KRTAP6-3: variants seen among roughly 807,000 people sequenced by gnomAD.
KRTAP6-3 encodes keratin associated protein 6-3.
For missense variants in KRTAP6-3, 121 were observed against 133.1 expected (o/e 0.91, Z 0.45); for synonymous variants, 62 against 57.5 (o/e 1.08, Z -0.36).
rs752418918 is a variant in KRTAP6-3 at position 30,592,564 on chromosome 21, G to A, written c.119G>A (p.Gly40Glu). The stretch of plus-strand genomic sequence containing the variant: ...TGTGGTTATGGCGGCTGTGGCTATG[G>A]GTGCTGTGGCTACGGAGGCCTGGGC... Residue 40 changes from glycine (G) to glutamate (E), a missense_variant, in exon 1 of 1, where the codon GGG becomes GAG. Physicochemically the swap from Gly to Glu is moderately conservative, Grantham distance 98 (BLOSUM62 -2). Transcript: ENST00000391624. 3.7e-6 allele frequency: 6 copies of A among 1,612,244 alleles called. No individual in the cohort carries two copies. The Admixed American group carries it at 8.4e-5, about 22-fold the overall frequency.
Position 30,592,864 on chromosome 21 carries a change from G to T in KRTAP6-3, c.*86G>T. The T allele has an allele frequency of 1.4e-6, 2 of 1,456,168 alleles. No homozygotes were observed. The highest frequency in any genetic ancestry group is 2.9e-5 in the South Asian group (2 of 67,940). The allele number at this position is 1,456,168 out of a possible 1,614,324, so 90.2% of individuals were successfully genotyped here. A position where few individuals can be genotyped will look rare whatever the true frequency, so the allele number is the denominator to read the frequency against. ...CCCACATGCTCTGAGCCTTTCCCTT[G>T]ATTGATGATATCCTGCAGTGGAAGT... is the stretch of plus-strand genomic sequence containing the variant. On this transcript the variant is annotated 3_prime_UTR_variant, in exon 1 of 1. Coordinates refer to ENST00000391624, the MANE Select transcript of KRTAP6-3 (RefSeq NM_181605.4).
At chr21:30,592,578 G>T in the KRTAP6-3 span, 1 of 1,611,290 alleles carries the variant, frequency 6.2e-7, no homozygotes, top group Middle Eastern at 1.7e-4. Context: ...CTGTGGCTAC[G>T]GAGGCCTGGG....
In KRTAP6-3 at chr21:30,592,974, T is replaced by G; in HGVS notation, c.*196T>G. 1 of 1,109,738 alleles carries G rather than the reference T, an allele frequency of 9.0e-7. No individual in the cohort carries two copies. 68.7% of individuals were successfully genotyped at this position (1,109,738 alleles called of 1,614,324 possible). ...GAAGTGGGATAAGGTGAAGTTCACC[T>G]GTCACTTCTCCTTTTATCAGGATGA... On this transcript the variant is annotated 3_prime_UTR_variant, in exon 1 of 1. Transcript: ENST00000391624.
chr21:30,593,009 AG>A lies in KRTAP6-3; in HGVS notation c.*232del. ...CCTTTTATCAGGATGATGGTGTCACAGTGACTCCTTTGATGACTTTCATGCT... is the reference window on the plus strand; with the variant it reads ...CCTTTTATCAGGATGATGGTGTCACATGACTCCTTTGATGACTTTCATGCT... On this transcript the variant is annotated 3_prime_UTR_variant, in exon 1 of 1. Transcript: ENST00000391624. 2 of 765,444 alleles carry A rather than the reference AG, an allele frequency of 2.6e-6. No individual in the cohort carries two copies. Among genetic ancestry groups the A allele is most frequent in the Non-Finnish European group, 3.9e-6 (2 of 516,702 alleles). The allele number at this position is 765,444 out of a possible 1,614,324, so 47.4% of individuals were successfully genotyped here.
Position 30,592,708 on chromosome 21 carries a change from C to G in KRTAP6-3, c.263C>G (p.Ser88Cys), listed in dbSNP as rs1412169887. Residue 88 changes from serine to cysteine, a missense_variant, in exon 1 of 1, where the codon TCC (serine) becomes TGC (cysteine). Ser to Cys is a moderately radical substitution (Grantham distance 112, BLOSUM62 -1). Transcript: ENST00000391624. Reference sequence around the variant, plus strand: ...TATGGCTGTGGCTATGGCTATGTCTCCCACTCCTTCTGTGGCTGTGGCTAT... The same window carrying G: ...TATGGCTGTGGCTATGGCTATGTCTGCCACTCCTTCTGTGGCTGTGGCTAT... The G allele has an allele frequency of 6.8e-6, 11 of 1,612,950 alleles. No homozygotes were observed. Among genetic ancestry groups the G allele is most frequent in the Non-Finnish European group, 9.3e-6 (11 of 1,179,522 alleles).
rs141367067 is a variant in KRTAP6-3, at chr21:30,592,594, G to A, written c.149G>A (p.Gly50Asp). 358 of 1,611,494 alleles carry A rather than the reference G, an allele frequency of 2.2e-4. 2 individuals carry two copies. In the East Asian group the frequency reaches 5.6e-3, roughly 25 times the overall value. The change falls in exon 1 of 1, where the codon GGC becomes GAC. Residue 50 changes from glycine (G) to aspartate (D), a missense_variant. Gly to Asp is a moderately conservative substitution (Grantham distance 94). Transcript: ENST00000391624. Reference sequence around the variant, plus strand: ...TGTGGCTACGGAGGCCTGGGCTTTGGCTATGGAGGCCTGGACTGTGGCTAT... The same window carrying A: ...TGTGGCTACGGAGGCCTGGGCTTTGACTATGGAGGCCTGGACTGTGGCTAT...
rs1464959768 is a variant in KRTAP6-3 at position 30,592,868 on chromosome 21, G to A, written c.*90G>A. ...CATGCTCTGAGCCTTTCCCTTGATT[G>A]ATGATATCCTGCAGTGGAAGTCTAA... On this transcript the variant is annotated 3_prime_UTR_variant, in exon 1 of 1. Transcript: ENST00000391624. 1 of 1,454,584 alleles carries A rather than the reference G, an allele frequency of 6.9e-7. No individual in the cohort carries two copies. The highest frequency in any genetic ancestry group is 9.1e-7 in the Non-Finnish European group (1 of 1,099,562). 90.1% of individuals were successfully genotyped at this position (1,454,584 alleles called of 1,614,324 possible).
rs781643901 is a variant in KRTAP6-3 at position 30,592,533 on chromosome 21, C to T, written c.88C>T (p.Leu30=). 9.9e-6 allele frequency: 16 copies of T among 1,613,908 alleles called. No individual in the cohort carries two copies. The East Asian group carries it at 2.9e-4, about 29-fold the overall frequency. ...CTATGGGTGCTGTGGCTACGGAGGC[C>T]TGGGCTGTGGTTATGGCGGCTGTGG... Residue 30 remains leucine, a synonymous_variant, in exon 1 of 1, where the codon CTG becomes TTG. Coordinates refer to ENST00000391624, the MANE Select transcript of KRTAP6-3 (RefSeq NM_181605.4).
Position 30,592,944 on chromosome 21 carries a change from A to T in KRTAP6-3, c.*166A>T. On this transcript the variant is annotated 3_prime_UTR_variant, in exon 1 of 1. Coordinates refer to ENST00000391624, the MANE Select transcript of KRTAP6-3 (RefSeq NM_181605.4). ...TAACCCAAAAATACCCTGAGTTTCC[A>T]TCATGAAGTGGGATAAGGTGAAGTT... The T allele has an allele frequency of 7.3e-7, 1 of 1,362,628 alleles. No homozygotes were observed. Among genetic ancestry groups the T allele is most frequent in the South Asian group, 1.8e-5 (1 of 56,224 alleles). The allele number at this position is 1,362,628 out of a possible 1,614,324, so 84.4% of individuals were successfully genotyped here. A position where few individuals can be genotyped will look rare whatever the true frequency, so the allele number is the denominator to read the frequency against.
chr21:30,592,817 T>C lies in KRTAP6-3; in HGVS notation c.*39T>C, dbSNP rs1980080069. On this transcript the variant is annotated 3_prime_UTR_variant, in exon 1 of 1. Transcript: ENST00000391624. ...GACTCTCACCCTCTATCCTGTGACA[T>C]TGCAATTCACCAATTCTGAAGCCCA... 2 of 1,514,990 alleles carry C rather than the reference T, an allele frequency of 1.3e-6. No individual in the cohort carries two copies. Among genetic ancestry groups the C allele is most frequent in the Non-Finnish European group, 1.8e-6 (2 of 1,129,540 alleles). 93.8% of individuals were successfully genotyped at this position (1,514,990 alleles called of 1,614,324 possible). A position where few individuals can be genotyped will look rare whatever the true frequency, so the allele number is the denominator to read the frequency against.
Position 30,592,776 on chromosome 21 carries a change from T to C in KRTAP6-3, c.331T>C (p.Ter111ArgextTer12). The change falls in exon 1 of 1, where the codon TGA (stop) becomes CGA (arginine). Residue 111 changes from the stop codon to arginine, a stop_lost. Coordinates refer to ENST00000391624, the MANE Select transcript of KRTAP6-3 (RefSeq NM_181605.4). ...TGGCTCCAGCTTTGGCTACTACTAT[T>C]GAGGACACCATGGGAGACTCTCACC... 6.3e-7 allele frequency: 1 copy of C among 1,594,070 alleles called. No individual in the cohort carries two copies. The highest frequency in any genetic ancestry group is 1.1e-5 in the South Asian group (1 of 88,688).
Position 30,592,985 on chromosome 21 carries a change from C to G in KRTAP6-3, c.*207C>G. 9.8e-7 allele frequency: 1 copy of G among 1,019,488 alleles called. No individual in the cohort carries two copies. The highest frequency in any genetic ancestry group is 1.4e-6 in the Non-Finnish European group (1 of 733,152). 63.2% of individuals were successfully genotyped at this position (1,019,488 alleles called of 1,614,324 possible). A position where few individuals can be genotyped will look rare whatever the true frequency, so the allele number is the denominator to read the frequency against. ...AGGTGAAGTTCACCTGTCACTTCTC[C>G]TTTTATCAGGATGATGGTGTCACAG... is the stretch of plus-strand genomic sequence containing the variant. On this transcript the variant is annotated 3_prime_UTR_variant, in exon 1 of 1. Transcript: ENST00000391624.
rs1980087168 is a variant in KRTAP6-3 at position 30,593,043 on chromosome 21, G to A, written c.*265G>A. The A allele has an allele frequency of 5.7e-6, 3 of 525,484 alleles. No individual in the cohort carries two copies. Among genetic ancestry groups the A allele is most frequent in the East Asian group, 3.5e-5 (1 of 28,934 alleles). 32.6% of individuals were successfully genotyped at this position (525,484 alleles called of 1,614,324 possible). On this transcript the variant is annotated 3_prime_UTR_variant, in exon 1 of 1. Transcript: ENST00000391624. ...TTTGATGACTTTCATGCTGTAGTTTGTTTCTCTGCTGACCTAATAAACACA... is the reference window on the plus strand; with the variant it reads ...TTTGATGACTTTCATGCTGTAGTTTATTTCTCTGCTGACCTAATAAACACA...
Position 30,592,803 on chromosome 21 carries a change from T to G in KRTAP6-3, c.*25T>G. 1.3e-6 allele frequency: 2 copies of G among 1,546,214 alleles called. No individual in the cohort carries two copies. The highest frequency in any genetic ancestry group is 2.4e-5 in the South Asian group (2 of 81,852). On this transcript the variant is annotated 3_prime_UTR_variant, in exon 1 of 1. Coordinates refer to ENST00000391624, the MANE Select transcript of KRTAP6-3 (RefSeq NM_181605.4). ...AGGACACCATGGGAGACTCTCACCC[T>G]CTATCCTGTGACATTGCAATTCACC...
rs79130546 is a variant in KRTAP6-3 at position 30,592,693 on chromosome 21, G to T, written c.248G>T (p.Gly83Val). The T allele has an allele frequency of 6.2e-7, 1 of 1,613,582 alleles. No homozygotes were observed. The highest frequency in any genetic ancestry group is 8.5e-7 in the Non-Finnish European group (1 of 1,179,732). Residue 83 changes from glycine (G) to valine (V), a missense_variant, in exon 1 of 1, where the codon GGC (glycine) becomes GTC (valine). By Grantham distance (109) the Gly-to-Val change is moderately radical (BLOSUM62 -3). Coordinates refer to ENST00000391624, the MANE Select transcript of KRTAP6-3 (RefSeq NM_181605.4). Reference sequence around the variant, plus strand: ...GGCCTGGACTGTGGCTATGGCTGTGGCTATGGCTATGTCTCCCACTCCTTC... The same window carrying T: ...GGCCTGGACTGTGGCTATGGCTGTGTCTATGGCTATGTCTCCCACTCCTTC...
Position 30,592,771 on chromosome 21 carries a change from A to G in KRTAP6-3, c.326A>G (p.Tyr109Cys), listed in dbSNP as rs1345411598. 1.3e-6 allele frequency: 2 copies of G among 1,595,172 alleles called. No homozygotes were observed. Among genetic ancestry groups the G allele is most frequent in the East Asian group, 4.5e-5 (2 of 44,094 alleles). ...GGCTATGGCTCCAGCTTTGGCTACT[A>G]CTATTGAGGACACCATGGGAGACTC... is the stretch of plus-strand genomic sequence containing the variant. The change falls in exon 1 of 1, where the codon TAC becomes TGC. Residue 109 changes from tyrosine to cysteine, a missense_variant. Coordinates refer to ENST00000391624, the MANE Select transcript of KRTAP6-3 (RefSeq NM_181605.4).
At position 30,592,954 on chromosome 21, in the gene KRTAP6-3, G is replaced by C. The variant is rs1980085062; in HGVS notation, c.*176G>C. On this transcript the variant is annotated 3_prime_UTR_variant, in exon 1 of 1. Transcript: ENST00000391624. The stretch of plus-strand genomic sequence containing the variant: ...ATACCCTGAGTTTCCATCATGAAGT[G>C]GGATAAGGTGAAGTTCACCTGTCAC... 7.6e-7 allele frequency: 1 copy of C among 1,316,462 alleles called. No homozygotes were observed. Among genetic ancestry groups the C allele is most frequent in the South Asian group, 1.9e-5 (1 of 53,386 alleles). 81.5% of individuals were successfully genotyped at this position (1,316,462 alleles called of 1,614,324 possible).
Position 30,592,550 on chromosome 21 carries a change from C to T in KRTAP6-3, c.105C>T (p.Gly35=), listed in dbSNP as rs113468962. The T allele has an allele frequency of 3.2e-4, 515 of 1,612,612 alleles. 2 individuals are homozygous for T. In the African/African-American group the frequency reaches 5.4e-3, roughly 17 times the overall value. ...ACGGAGGCCTGGGCTGTGGTTATGG[C>T]GGCTGTGGCTATGGGTGCTGTGGCT... The change falls in exon 1 of 1, where the codon GGC becomes GGT. Residue 35 remains glycine, a synonymous_variant. Coordinates refer to ENST00000391624, the MANE Select transcript of KRTAP6-3 (RefSeq NM_181605.4).
Position 30,592,739 on chromosome 21 carries a change from CGGCTCTGGCTAT to C in KRTAP6-3, c.300_311del (p.Gly101_Ser104del). ...CCTTCTGTGGCTGTGGCTATAGGTG[CGGCTCTGGCTAT>C]GGCTCCAGCTTTGGCTACTACTATT... On this transcript the variant is annotated inframe_deletion, in exon 1 of 1. Transcript: ENST00000391624. 6.2e-7 allele frequency: 1 copy of C among 1,610,610 alleles called. No homozygotes were observed. Among genetic ancestry groups the C allele is most frequent in the Non-Finnish European group, 8.5e-7 (1 of 1,178,284 alleles).
Sources: allele counts gnomAD v4.1 joint callset, GRCh38; gene constraint gnomAD v4.1.1; transcripts MANE v1.5; gene names NCBI Gene and HGNC (gene_info 2026-07-23, HGNC 2026-07-21).